The following MMP10 variants were observed in gnomAD, a reference collection of about 807,000 sequenced individuals.
MMP10 encodes the protein matrix metallopeptidase 10.
Under a neutral mutation model 49.1 loss-of-function variants are expected in MMP10, and 50 were observed. That is an observed-to-expected ratio of 1.02 (90% CI 0.81 to 1.29). MMP10 has a LOEUF of 1.29. MMP10 is among the 50% of genes most tolerant of loss of function. MMP10 has a pLI of 0.00. For missense variants in MMP10, 613 were observed against 563.8 expected (o/e 1.09, Z -0.88); for synonymous variants, 229 against 201.6 (o/e 1.14, Z -1.15).
Position 102,772,991 on chromosome 11 carries a change from G to T in MMP10, c.1082C>A (p.Ala361Asp). The T allele has an allele frequency of 6.3e-7, 1 of 1,592,798 alleles. No individual in the cohort carries two copies. The highest frequency in any genetic ancestry group is 1.2e-5 in the South Asian group (1 of 86,194). The stretch of plus-strand genomic sequence containing the variant: ...TGCTTGTACCTCATTTCCTCTGATG[G>T]CCCAGAACTCATTTCCTATTGAAAA... ...VFIFKGNEFW[A>D]IRGNEVQAGY... The change falls in exon 8 of 10, where the codon GCC becomes GAC. Residue 361 changes from alanine (A) to aspartate (D), a missense_variant. Ala to Asp is a moderately radical substitution (Grantham distance 126). Coordinates refer to ENST00000279441, the MANE Select transcript of MMP10 (RefSeq NM_002425.3). The surrounding 1 kb of genome is among the most constrained non-coding windows in gnomAD (Gnocchi z 4.4).
Position 102,772,567 on chromosome 11 carries a change from C to T in MMP10, c.1226+280G>A, listed in dbSNP as rs1861985597. ...CCTGCCACACCTGGGCTTCCTATGG[C>T]AGCCACATGGTGACTGGAAATGGAA... On this transcript the variant is annotated intron_variant, in intron 8 of 9. Transcript: ENST00000279441. This position sits in a 1 kb window ranked among gnomAD's most constrained non-coding sequence, Gnocchi z 4.4. Among the ~76,000 whole-genome samples, 1 of 152,190 alleles carries T rather than the reference C, an allele frequency of 6.6e-6. No individual in the cohort carries two copies. The highest frequency in any genetic ancestry group is 1.5e-5 in the Non-Finnish European group (1 of 68,028).
rs1591070584 is a variant in MMP10, at chr11:102,779,428, T to G, written c.348-67A>C. 1.9e-6 allele frequency: 3 copies of G among 1,608,628 alleles called. No homozygotes were observed. The African/African-American group carries it at 4.0e-5, about 22-fold the overall frequency. On this transcript the variant is annotated intron_variant, in intron 2 of 9. Coordinates refer to ENST00000279441, the MANE Select transcript of MMP10 (RefSeq NM_002425.3). ...TTTATGAAAAATTGTTAAAGAAAAC[T>G]TTATGTTACTTATCCAAATATGACG... is the stretch of plus-strand genomic sequence containing the variant.
chr11:102,775,097 TA>T, intron 7 of MMP10, 90 bp downstream of exon 7: 1 of 1,019,954 alleles, frequency 9.8e-7, no homozygotes, highest in South Asian at 3.8e-5. Context: ...TTCAGTAATC[TA>T]AACTTTAATA....
At position 102,776,796 on chromosome 11, in the gene MMP10, G is replaced by A; in HGVS notation, c.623-20C>T. ...TGGTGCCTGTATGAAAATCATAAAT[G>A]TTCAGAATTCACCAGCTCTTTCTTC... On this transcript the variant is annotated intron_variant, in intron 4 of 9. Coordinates refer to ENST00000279441, the MANE Select transcript of MMP10 (RefSeq NM_002425.3). 6.2e-7 allele frequency: 1 copy of A among 1,613,672 alleles called. No individual in the cohort carries two copies. The highest frequency in any genetic ancestry group is 1.1e-5 in the South Asian group (1 of 91,040).
At position 102,780,586 on chromosome 11, in the gene MMP10, C is replaced by A. The variant is rs762286697; in HGVS notation, c.6G>T (p.Met2Ile). 2 of 1,613,552 alleles carry A rather than the reference C, an allele frequency of 1.2e-6. No individual in the cohort carries two copies. Among genetic ancestry groups the A allele is most frequent in the South Asian group, 2.2e-5 (2 of 90,936 alleles). The change falls in exon 1 of 10, where the codon ATG becomes ATT. Residue 2 changes from methionine to isoleucine, a missense_variant. Met to Ile is a conservative substitution (Grantham distance 10). Coordinates refer to ENST00000279441, the MANE Select transcript of MMP10 (RefSeq NM_002425.3). Reference protein sequence around the residue: MMHLAFLVLLCL... With the variant: MIHLAFLVLLCL... The stretch of plus-strand genomic sequence containing the variant: ...ACAACAGCACAAGGAATGCAAGATG[C>A]ATCATTCTCACTGCCCTTACCTTCT...
rs755251426 is a variant in MMP10 at position 102,772,035 on chromosome 11, A to G, written c.1307T>C (p.Val436Ala). The G allele has an allele frequency of 2.0e-5, 32 of 1,612,548 alleles. No homozygotes were observed. The highest frequency in any genetic ancestry group is 2.5e-5 in the Non-Finnish European group (30 of 1,178,674). The change falls in exon 9 of 10, where the codon GTT (valine) becomes GCT (alanine). Residue 436 changes from valine to alanine, a missense_variant. Physicochemically the swap from Val to Ala is moderately conservative, Grantham distance 64 (BLOSUM62 0). Transcript: ENST00000279441. The surrounding 1 kb of genome is among the most constrained non-coding windows in gnomAD (Gnocchi z 4.4). Reference protein sequence around the residue: ...ADDFPGVEPKVDAVLQAFGFF... With the variant: ...ADDFPGVEPKADAVLQAFGFF... The stretch of plus-strand genomic sequence containing the variant: ...ACCAAATGCCTGTAATACAGCATCA[A>G]CCTTAGGCTCAACTCCTGGAAAGTC...
chr11:102,778,760 A>G lies in MMP10; in HGVS notation c.497-11T>C. ...AAAAGTCTCCATGTTCTGATAGGGA[A>G]CAAATTAATGGAAATATAAGTGTTC... On this transcript the variant is annotated splice_polypyrimidine_tract_variant and intron_variant, in intron 3 of 9. Coordinates refer to ENST00000279441, the MANE Select transcript of MMP10 (RefSeq NM_002425.3). The G allele has an allele frequency of 3.1e-6, 5 of 1,613,388 alleles. No homozygotes were observed. The highest frequency in any genetic ancestry group is 2.2e-5 in the South Asian group (2 of 90,930).
chr11:102,777,548 G>T (rs913834680), intron 4 of MMP10, among the ~76,000 whole-genome samples: 5 of 152,066 alleles, frequency 3.3e-5, no homozygotes, highest in African/African-American at 1.2e-4. Context: ...AGCCACTGGT[G>T]CCTGGCCATA....
chr11:102,773,961 A>G (rs1016099817), intron 7 of MMP10, among the ~76,000 whole-genome samples: 1 of 152,270 alleles, frequency 6.6e-6, no homozygotes, highest in Non-Finnish European at 1.5e-5. Context: ...AATGTGAGAT[A>G]CATTACTTGA....
chr11:102,776,726 G>A lies in MMP10; in HGVS notation c.673C>T (p.Leu225Phe), dbSNP rs1565455170. Residue 225 changes from leucine to phenylalanine, a missense_variant, in exon 5 of 10, where the codon CTC becomes TTC. Leu to Phe is a conservative substitution (Grantham distance 22). Transcript: ENST00000279441. The part of the protein sequence containing the change: ...AAHELGHSLG[L>F]FHSANTEALM... The stretch of plus-strand genomic sequence containing the variant: ...GCTTCAGTGTTGGCTGAGTGAAAGA[G>A]CCCCAGGGAGTGGCCAAGTTCATGA... 1.2e-6 allele frequency: 2 copies of A among 1,614,010 alleles called. No homozygotes were observed. Among genetic ancestry groups the A allele is most frequent in the Non-Finnish European group, 1.7e-6 (2 of 1,179,942 alleles).
Position 102,780,494 on chromosome 11 carries a change from A to G in MMP10, c.98T>C (p.Leu33Pro). ...AAKEEDSNKD[L>P]AQQYLEKYYN... is the part of the protein sequence containing the mutation. Reference sequence around the variant, plus strand: ...GATGCCACCGTTAATTACCTGGGCAAGATCCTTGTTGGAGTCCTCCTCTTT... The same window carrying G: ...GATGCCACCGTTAATTACCTGGGCAGGATCCTTGTTGGAGTCCTCCTCTTT... Residue 33 changes from leucine (L) to proline (P), a missense_variant, in exon 1 of 10, where the codon CTT becomes CCT. Physicochemically the swap from Leu to Pro is moderately conservative, Grantham distance 98 (BLOSUM62 -3). Transcript: ENST00000279441. 1 of 1,613,916 alleles carries G rather than the reference A, an allele frequency of 6.2e-7. No homozygotes were observed. Among genetic ancestry groups the G allele is most frequent in the African/African-American group, 1.3e-5 (1 of 75,058 alleles).
Position 102,775,291 on chromosome 11 carries a change from A to C in MMP10, c.963T>G (p.Pro321=). 1 of 1,610,962 alleles carries C rather than the reference A, an allele frequency of 6.2e-7. No homozygotes were observed. Residue 321 remains proline, a synonymous_variant, in exon 7 of 10, where the codon CCT becomes CCG. Transcript: ENST00000279441. The part of the protein sequence containing the change: ...RYFWRRSHWN[P]EPEFHLISAF... ...CAGAAATCAAATGAAATTCAGGTTC[A>C]GGGTTCCAGTGGGATCTTCGCCAAA...
rs1857799554 is a variant in MMP10, at chr11:102,779,721, G to A, written c.130C>T (p.Leu44Phe). ...CTAAACTGTTTCACATCCTTTTCGA[G>A]GTTGTAGTACTTTTCTAGGTATTGC... ...AQQYLEKYYN[L>F]EKDVKQFRRK... is the part of the protein sequence containing the mutation. Residue 44 changes from leucine (L) to phenylalanine (F), a missense_variant, in exon 2 of 10, where the codon CTC (leucine) becomes TTC (phenylalanine). By Grantham distance (22) the Leu-to-Phe change is conservative. Coordinates refer to ENST00000279441, the MANE Select transcript of MMP10 (RefSeq NM_002425.3). 1.2e-6 allele frequency: 2 copies of A among 1,613,664 alleles called. No individual in the cohort carries two copies. The highest frequency in any genetic ancestry group is 1.3e-5 in the African/African-American group (1 of 74,974).
In MMP10 at chr11:102,776,433, A is replaced by G; in HGVS notation, c.788-9T>C. The G allele has an allele frequency of 1.2e-6, 2 of 1,610,760 alleles. No individual in the cohort carries two copies. Among genetic ancestry groups the G allele is most frequent in the Middle Eastern group, 3.3e-4 (2 of 6,036 alleles). On this transcript the variant is annotated splice_polypyrimidine_tract_variant and intron_variant, in intron 5 of 9. Transcript: ENST00000279441. ...AGAGGCAGGGGGAGGTCCTAAAGGA[A>G]ACAGATTTGGGGATGCAAACATTAA...
At position 102,776,287 on chromosome 11, in the gene MMP10, T is replaced by G. The variant is rs759637091; in HGVS notation, c.925A>C (p.Lys309Gln). The G allele has an allele frequency of 6.2e-7, 1 of 1,613,432 alleles. No homozygotes were observed. Among genetic ancestry groups the G allele is most frequent in the South Asian group, 1.1e-5 (1 of 90,882 alleles). Residue 309 changes from lysine to glutamine, a missense_variant, in exon 6 of 10, where the codon AAA becomes CAA. Coordinates refer to ENST00000279441, the MANE Select transcript of MMP10 (RefSeq NM_002425.3). Reference protein sequence around the residue: ...STLRGEYLFFKDRYFWRRSHW... With the variant: ...STLRGEYLFFQDRYFWRRSHW... ...ATAATTTTCTGGTCTGACCTGTCTT[T>G]AAAGAACAGATATTCTCCCCTCAGA...
At position 102,772,215 on chromosome 11, in the gene MMP10, A is replaced by T. The variant is rs770911451; in HGVS notation, c.1227-100T>A. On this transcript the variant is annotated intron_variant, in intron 8 of 9. Transcript: ENST00000279441. The surrounding 1 kb of genome is among the most constrained non-coding windows in gnomAD (Gnocchi z 4.4). The stretch of plus-strand genomic sequence containing the variant: ...AATTTTCCAGTGTGGAATCCTAGAC[A>T]AACTTTTTAAGTTGTGTAAAAAAGT... 7 of 718,436 alleles carry T rather than the reference A, an allele frequency of 9.7e-6. No individual in the cohort carries two copies. Among genetic ancestry groups the T allele is most frequent in the African/African-American group, 5.5e-5 (3 of 54,800 alleles). 44.5% of individuals were successfully genotyped at this position (718,436 alleles called of 1,614,324 possible).
Position 102,772,092 on chromosome 11 carries a change from A to G in MMP10, c.1250T>C (p.Met417Thr), listed in dbSNP as rs1016280535. Residue 417 changes from methionine to threonine, a missense_variant, in exon 9 of 10, where the codon ATG (methionine) becomes ACG (threonine). Met to Thr is a moderately conservative substitution (Grantham distance 81). Coordinates refer to ENST00000279441, the MANE Select transcript of MMP10 (RefSeq NM_002425.3). The surrounding 1 kb of genome is among the most constrained non-coding windows in gnomAD (Gnocchi z 4.4). The part of the protein sequence containing the change: ...YWRFDENSQS[M>T]EQGFPRLIAD... ...TATTAGTCTAGGGAAGCCTTGCTCCATGGACTGGCTATTTTCATCAAATCT... is the reference window on the plus strand; with the variant it reads ...TATTAGTCTAGGGAAGCCTTGCTCCGTGGACTGGCTATTTTCATCAAATCT... The G allele has an allele frequency of 1.2e-6, 2 of 1,612,456 alleles. No homozygotes were observed.
In MMP10 at chr11:102,776,646, C is replaced by T. The variant is rs141241387; in HGVS notation, c.753G>A (p.Ser251=). 25 of 1,613,256 alleles carry T rather than the reference C, an allele frequency of 1.5e-5. No homozygotes were observed. The highest frequency in any genetic ancestry group is 5.3e-5 in the African/African-American group (4 of 74,796). ...ACTGAATGCCATTCACATCATCTTG[C>T]GAAAGGCGGAACTGGGCGAGCTCTG... ...SFTELAQFRL[S]QDDVNGIQSL... The change falls in exon 5 of 10, where the codon TCG becomes TCA. Residue 251 remains serine, a synonymous_variant. Transcript: ENST00000279441.
At position 102,775,124 on chromosome 11, in the gene MMP10, A is replaced by T. The variant is rs572334645; in HGVS notation, c.1066+64T>A. On this transcript the variant is annotated intron_variant, in intron 7 of 9. Coordinates refer to ENST00000279441, the MANE Select transcript of MMP10 (RefSeq NM_002425.3). ...AACTTTAATATAATGGATAAAACTC[A>T]TGTCAATAAAATTTTTGCAATAGGA... 1.3e-5 allele frequency: 16 copies of T among 1,276,270 alleles called. 1 individual carries two copies. In the South Asian group the frequency reaches 3.1e-4, roughly 25 times the overall value. 79.1% of individuals were successfully genotyped at this position (1,276,270 alleles called of 1,614,324 possible). A position where few individuals can be genotyped will look rare whatever the true frequency, so the allele number is the denominator to read the frequency against.
Sources: gnomAD v4.1 joint callset for allele counts (sites outside exome capture counted in the v4.1 genomes callset) on GRCh38, gnomAD v4.1.1 for gene constraint, Gnocchi (gnomAD v3.1) non-coding constraint, MANE v1.5 for transcripts, NCBI Gene and HGNC (gene_info 2026-07-23, HGNC 2026-07-21) for gene names.